The following NEK1 variants were observed in gnomAD, a reference collection of about 807,000 sequenced individuals.
NEK1 encodes the protein serine/threonine-protein kinase Nek1.
Under a neutral mutation model 182.1 loss-of-function variants are expected in NEK1, and 137 were observed. That is an observed-to-expected ratio of 0.75 (90% CI 0.65 to 0.87). The LOEUF is 0.87. NEK1 is among the 40% of genes least tolerant of loss of function. NEK1 has a pLI of 0.00. For synonymous variants in NEK1, 513 were observed against 492.2 expected, an observed-to-expected ratio of 1.04 and a Z score of -0.56; for missense variants, 1,391 against 1,494.4, an observed-to-expected ratio of 0.93 and a Z score of 1.14.
At chr4:169,453,440 A>G (rs1209412049) in intron 27 of NEK1, among the ~76,000 whole-genome samples, 1 of 152,224 alleles carries the variant, frequency 6.6e-6, no homozygotes, top group Non-Finnish European at 1.5e-5. Flanking sequence ...CAAGCCCCCC[A>G]AAATCTGGCC....
chr4:169,500,036 G>A (rs1274690442), intron 23 of NEK1, among the ~76,000 whole-genome samples: 4 of 152,188 alleles, frequency 2.6e-5, no homozygotes, highest in East Asian at 1.9e-4. Flanking sequence ...CATGAGCTGC[G>A]GTGGGCTCCA....
intron 2 of NEK1, among the ~76,000 whole-genome samples, 172 bp downstream of exon 2, chr4:169,611,846 CTT>C (rs1357587238): frequency 6.6e-6 from 1 of 152,206 alleles, no homozygotes; most frequent in African/African-American, 2.4e-5. Context: ...CCAAGAATCG[CTT>C]TGTTAATACA....
intron 19 of NEK1, among the ~76,000 whole-genome samples, chr4:169,515,387 C>T (rs1397535130): frequency 6.6e-6 from 1 of 152,040 alleles, no homozygotes; most frequent in African/African-American, 2.4e-5. Flanking sequence ...ATGTTCAAGT[C>T]TCAACTGTAA....
intron 18 of NEK1, among the ~76,000 whole-genome samples, chr4:169,549,317 A>G (rs1419944836): frequency 6.6e-6 from 1 of 152,122 alleles, no homozygotes; most frequent in African/African-American, 2.4e-5. Flanking sequence ...AATGAGATGA[A>G]CTGGGTACCT....
intron 31 of NEK1, among the ~76,000 whole-genome samples, chr4:169,416,024 CT>C (rs1734487967): frequency 6.6e-6 from 1 of 152,218 alleles, no homozygotes; most frequent in South Asian, 2.1e-4. Flanking sequence ...CATTGTATTC[CT>C]TTATTCAGAA....
chr4:169,433,064 C>T (rs116369214), intron 29 of NEK1, among the ~76,000 whole-genome samples: 2,132 of 151,818 alleles, frequency 0.014, 43 homozygotes, highest in African/African-American at 0.049. Flanking sequence ...CGTGCCTGGC[C>T]CACTTTATTT....
chr4:169,411,005 T>C (rs1319016522), intron 31 of NEK1, among the ~76,000 whole-genome samples: 2 of 152,224 alleles, frequency 1.3e-5, no homozygotes, highest in Non-Finnish European at 2.9e-5. Flanking sequence ...TGTGCGTGCG[T>C]ATCCTGTTTC....
intron 19 of NEK1, among the ~76,000 whole-genome samples, chr4:169,518,925 A>G (rs1260804364): frequency 2.1e-4 from 14 of 65,788 alleles, no homozygotes; most frequent in Admixed American, 2.0e-3. Flanking sequence ...TTTACTTCCA[A>G]CTATGTGGTC....
chr4:169,563,212 A>T (rs1489385679), intron 12 of NEK1, among the ~76,000 whole-genome samples: 2 of 151,930 alleles, frequency 1.3e-5, no homozygotes, highest in Non-Finnish European at 2.9e-5. Flanking sequence ...ATTTTTAAAA[A>T]TTAGCCAGGC....
At chr4:169,437,279 T>C (rs1240785642) in intron 28 of NEK1, among the ~76,000 whole-genome samples, 3 of 152,124 alleles carry the variant, frequency 2.0e-5, no homozygotes, top group Non-Finnish European at 4.4e-5. Context: ...CAAAGACCTG[T>C]AGATGAGAAA....
chr4:169,472,583 C>T (rs1486046817), intron 26 of NEK1, among the ~76,000 whole-genome samples: 1 of 152,178 alleles, frequency 6.6e-6, no homozygotes, highest in East Asian at 1.9e-4. Flanking sequence ...CTTATTTGGC[C>T]ATCCTGACAC....
intron 5 of NEK1, among the ~76,000 whole-genome samples, chr4:169,591,301 C>T (rs372696080): frequency 4.0e-5 from 6 of 151,824 alleles, no homozygotes; most frequent in East Asian, 1.9e-4. Flanking sequence ...CATGCCACCA[C>T]GAGCAGCTAG....
In NEK1 at chr4:169,394,529, G is replaced by GA. The variant is rs1305104791; in HGVS notation, c.3848-7dup. On this transcript the variant is annotated splice_region_variant and splice_polypyrimidine_tract_variant and intron_variant, in intron 35 of 35. Coordinates refer to ENST00000507142, the MANE Select transcript of NEK1 (RefSeq NM_001199397.3). ...TGAGGATTATTCATCATTATCTGTA[G>GA]AAAAAAGAAAAAAATTGACTTCATT... is the stretch of plus-strand genomic sequence containing the variant. 7.3e-7 allele frequency: 1 copy of GA among 1,378,550 alleles called. No homozygotes were observed. Among genetic ancestry groups the GA allele is most frequent in the South Asian group, 1.4e-5 (1 of 73,718 alleles). The allele number at this position is 1,378,550 out of a possible 1,614,324, so 85.4% of individuals were successfully genotyped here.
At chr4:169,444,278 A>T (rs1250645257) in intron 27 of NEK1, among the ~76,000 whole-genome samples, 5 of 152,208 alleles carry the variant, frequency 3.3e-5, no homozygotes, top group African/African-American at 1.2e-4. Context: ...ACCTATCAAT[A>T]ATAACCTCTA....
At chr4:169,585,247 C>T in intron 10 of NEK1, 102 bp downstream of exon 10, 1 of 748,736 alleles carries the variant, frequency 1.3e-6, no homozygotes, top group African/African-American at 1.8e-5. Context: ...AAAAGGCACA[C>T]CATTCCTCCA....
At chr4:169,441,549 G>T (rs943398609) in intron 27 of NEK1, among the ~76,000 whole-genome samples, 5 of 152,284 alleles carry the variant, frequency 3.3e-5, no homozygotes, top group African/African-American at 9.6e-5. Context: ...GGGTCCTGGG[G>T]GTAGACCTAC....
At chr4:169,459,432 C>T (rs1307155488) in intron 27 of NEK1, among the ~76,000 whole-genome samples, 2 of 152,158 alleles carry the variant, frequency 1.3e-5, no homozygotes, top group Non-Finnish European at 2.9e-5. Flanking sequence ...CTCATTCATA[C>T]ACTGCAAAAT....
At chr4:169,403,229 T>C (rs1447351834) in intron 32 of NEK1, among the ~76,000 whole-genome samples, 5 of 152,140 alleles carry the variant, frequency 3.3e-5, no homozygotes, top group African/African-American at 1.2e-4. Flanking sequence ...GTGTCTAATC[T>C]CTTGAATCAT....
chr4:169,518,482 G>A (rs1205763106), intron 19 of NEK1, among the ~76,000 whole-genome samples: 3 of 120,024 alleles, frequency 2.5e-5, no homozygotes, highest in Non-Finnish European at 4.9e-5. Flanking sequence ...ATTTTTTGAA[G>A]GGTTTTTTGT....
Sources: gnomAD v4.1 joint callset for allele counts (sites outside exome capture counted in the v4.1 genomes callset) on GRCh38, gnomAD v4.1.1 for gene constraint, MANE v1.5 for transcripts, NCBI Gene and HGNC (gene_info 2026-07-23, HGNC 2026-07-21) for gene names.